TMEM192: variants seen among roughly 807,000 people sequenced by gnomAD.
TMEM192 encodes transmembrane protein 192.
In TMEM192, 20 loss-of-function variants were observed where a neutral mutation model predicts 26.7. The ratio of observed to expected loss-of-function variants is 0.75; its 90% confidence interval spans 0.53 to 1.09. TMEM192 has a LOEUF of 1.09. Ranked by LOEUF, TMEM192 falls within the 50% of genes least tolerant of loss-of-function variation. TMEM192 has a pLI of 0.00. For missense variants in TMEM192, 304 were observed against 322.6 expected (o/e 0.94, Z 0.44); for synonymous variants, 124 against 121.0 (o/e 1.02, Z -0.16).
intron 5 of TMEM192, among the ~76,000 whole-genome samples, chr4:165,080,248 C>T (rs1734489595): frequency 6.6e-6 from 1 of 151,974 alleles, no homozygotes; most frequent in Non-Finnish European, 1.5e-5. Flanking sequence ...TTCTCCCATA[C>T]CACAAAAATG....
intron 1 of TMEM192, among the ~76,000 whole-genome samples, chr4:165,110,395 G>A (rs1310858297): frequency 1.3e-5 from 2 of 152,168 alleles, no homozygotes; most frequent in East Asian, 1.9e-4. Flanking sequence ...AAACAGTTGG[G>A]TGAATCCAAC....
intron 3 of TMEM192, among the ~76,000 whole-genome samples, chr4:165,100,056 A>G (rs531607381): frequency 3.0e-4 from 45 of 152,192 alleles, no homozygotes; most frequent in Admixed American, 2.9e-3. Flanking sequence ...CTGGTAACAA[A>G]AGAGGGTATA....
intron 3 of TMEM192, among the ~76,000 whole-genome samples, chr4:165,093,098 T>C (rs1224675315): frequency 3.3e-4 from 2 of 6,086 alleles, no homozygotes; most frequent in African/African-American, 4.3e-4. Context: ...TTTTTTCTTC[T>C]TTTTTTTTTT....
At chr4:165,103,350 T>G (rs1437909862) in intron 1 of TMEM192, among the ~76,000 whole-genome samples, 1 of 151,868 alleles carries the variant, frequency 6.6e-6, no homozygotes, top group Non-Finnish European at 1.5e-5. Context: ...TGTTTGTGTT[T>G]TGTTTTTTGT....
intron 5 of TMEM192, among the ~76,000 whole-genome samples, chr4:165,084,074 C>T (rs1057088536): frequency 6.6e-6 from 1 of 151,894 alleles, no homozygotes; most frequent in African/African-American, 2.4e-5. Context: ...CCCACCTCAG[C>T]CTCTTAAAAG....
chr4:165,088,025 T>A (rs1358372131), intron 4 of TMEM192, among the ~76,000 whole-genome samples: 2 of 152,140 alleles, frequency 1.3e-5, no homozygotes, highest in Non-Finnish European at 2.9e-5. Flanking sequence ...TCCTCCCACG[T>A]CAGCCTCCTG....
At chr4:165,101,021 G>T (rs1735028347) in intron 2 of TMEM192, 129 bp from the exon 3 acceptor site, 1 of 1,024,444 alleles carries the variant, frequency 9.8e-7, no homozygotes, top group African/African-American at 1.8e-5. Flanking sequence ...CTGTCGCCCA[G>T]GCTGGAGTGC....
chr4:165,107,879 T>C (rs1735203098), intron 1 of TMEM192, among the ~76,000 whole-genome samples: 1 of 152,238 alleles, frequency 6.6e-6, no homozygotes, highest in South Asian at 2.1e-4. Flanking sequence ...AAGTTTGAGC[T>C]GGGTCTACTT....
intron 3 of TMEM192, among the ~76,000 whole-genome samples, chr4:165,092,412 G>A (rs368054895): frequency 2.0e-4 from 31 of 152,222 alleles, no homozygotes; most frequent in South Asian, 1.7e-3. Flanking sequence ...GTAAGCCACC[G>A]CACCCGGCCC....
intron 4 of TMEM192, among the ~76,000 whole-genome samples, chr4:165,087,507 C>T (rs1204957110): frequency 6.6e-6 from 1 of 152,172 alleles, no homozygotes; most frequent in Non-Finnish European, 1.5e-5. Context: ...CAAGTGGATG[C>T]AGGCTGGTAT....
chr4:165,099,369 A>G (rs988265918), intron 3 of TMEM192, among the ~76,000 whole-genome samples: 2 of 152,124 alleles, frequency 1.3e-5, no homozygotes, highest in South Asian at 2.1e-4. Context: ...TACAGGCATG[A>G]GCTACTGTGC....
intron 5 of TMEM192, among the ~76,000 whole-genome samples, chr4:165,084,055 C>G (rs927157981): frequency 1.3e-5 from 2 of 151,790 alleles, no homozygotes; most frequent in African/African-American, 2.4e-5. Flanking sequence ...CTCCTGACCT[C>G]GTGATCTGCC....
At chr4:165,085,779 C>T (rs996758848) in intron 4 of TMEM192, 91 bp from the exon 5 acceptor site, 21 of 903,682 alleles carry the variant, frequency 2.3e-5, no homozygotes, top group Admixed American at 1.4e-4. Context: ...TTCTTATTAA[C>T]GTCCTTGAGT....
rs1355260916 is a variant in TMEM192 at position 165,075,098 on chromosome 4, G to A, written c.*4560C>T. ...CACCCACTATTGGTAAGGGTATGGA[G>A]ACCAGGTGAGCTGGCTCATGCCTAT... On this transcript the variant is annotated 3_prime_UTR_variant, in exon 6 of 6. Transcript: ENST00000306480. The A allele has an allele frequency of 6.6e-6, 1 of 152,180 alleles. No homozygotes were observed. The highest frequency in any genetic ancestry group is 1.5e-5 in the Non-Finnish European group (1 of 68,042). 9.4% of individuals were successfully genotyped at this position (152,180 alleles called of 1,614,324 possible).
In TMEM192 at chr4:165,075,745, T is replaced by A. The variant is rs1373598565; in HGVS notation, c.*3913A>T. Reference sequence around the variant, plus strand: ...GCACCACACCTGGCTGATATTTGTATTCTTAGTAGAGATGGGGTTTCACCA... The same window carrying A: ...GCACCACACCTGGCTGATATTTGTAATCTTAGTAGAGATGGGGTTTCACCA... On this transcript the variant is annotated 3_prime_UTR_variant, in exon 6 of 6. Transcript: ENST00000306480. The A allele has an allele frequency of 6.6e-6, 1 of 151,826 alleles. No individual in the cohort carries two copies. Among genetic ancestry groups the A allele is most frequent in the Non-Finnish European group, 1.5e-5 (1 of 67,982 alleles). 9.4% of individuals were successfully genotyped at this position (151,826 alleles called of 1,614,324 possible). A position where few individuals can be genotyped will look rare whatever the true frequency, so the allele number is the denominator to read the frequency against.
In TMEM192 at chr4:165,108,124, TTTTTTTTTTTTTTTTG is replaced by T. The variant is rs1018035800; in HGVS notation, c.27+4607_27+4622del. 1.7e-4 allele frequency among the ~76,000 whole-genome samples: 10 copies of T among 58,520 alleles called. No homozygotes were observed. The East Asian group carries it at 4.6e-3, about 27-fold the overall frequency. 38.4% of individuals were successfully genotyped at this position (58,520 alleles called of 152,430 possible). A position where few individuals can be genotyped will look rare whatever the true frequency, so the allele number is the denominator to read the frequency against. On this transcript the variant is annotated intron_variant, in intron 1 of 5. Transcript: ENST00000306480. ...TTTTCTGTATTCCCTTTTTTTTTTT[TTTTTTTTTTTTTTTTG>T]GAGATGTAGTCTTGCTCTGTCACCC...
intron 1 of TMEM192, among the ~76,000 whole-genome samples, chr4:165,108,192 G>A (rs754440138): frequency 1.5e-5 from 2 of 129,932 alleles, no homozygotes; most frequent in Non-Finnish European, 3.1e-5. Context: ...GCATGATCTC[G>A]GCTCACTGCA....
chr4:165,107,176 C>T (rs1735181251), intron 1 of TMEM192, among the ~76,000 whole-genome samples: 1 of 151,996 alleles, frequency 6.6e-6, no homozygotes, highest in Admixed American at 6.6e-5. Flanking sequence ...AAGTGCCCGA[C>T]ACCTTGTCCA....
At chr4:165,101,389 T>C (rs2110785835) in intron 2 of TMEM192, among the ~76,000 whole-genome samples, 1 of 149,938 alleles carries the variant, frequency 6.7e-6, no homozygotes, top group South Asian at 2.1e-4. Context: ...CTGTGTGAGA[T>C]ACGGTCTTGC....
Sources: gnomAD v4.1 joint callset for allele counts (sites outside exome capture counted in the v4.1 genomes callset) on GRCh38, gnomAD v4.1.1 for gene constraint, MANE v1.5 for transcripts, NCBI Gene and HGNC (gene_info 2026-07-23, HGNC 2026-07-21) for gene names.